LRRN2: variants seen among roughly 807,000 people sequenced by gnomAD.
LRRN2 encodes the protein leucine-rich repeat neuronal protein 2.
In LRRN2, 10 loss-of-function variants were observed where a neutral mutation model predicts 35.7. The observed-to-expected ratio is 0.28, with a 90% CI of 0.17 to 0.47. The LOEUF is 0.47. LRRN2 is among the 20% of genes least tolerant of loss of function. LRRN2 has a pLI of 0.99. For synonymous variants in LRRN2, 391 were observed against 409.6 expected, an observed-to-expected ratio of 0.95 and a Z score of 0.55; for missense variants, 731 against 940.3, an observed-to-expected ratio of 0.78 and a Z score of 2.91.
intron 1 of LRRN2, among the ~76,000 whole-genome samples, chr1:204,674,036 C>G (rs182479570): frequency 4.6e-5 from 7 of 152,122 alleles, no homozygotes; most frequent in Admixed American, 4.6e-4. Flanking sequence ...CGTTTGAATG[C>G]GGCTGTCAGC....
chr1:204,630,754 C>T (rs925931372), intron 1 of LRRN2, among the ~76,000 whole-genome samples: 1 of 152,102 alleles, frequency 6.6e-6, no homozygotes, highest in African/African-American at 2.4e-5. Flanking sequence ...CCTGGGCAGT[C>T]CCTCTGCACT....
intron 1 of LRRN2, among the ~76,000 whole-genome samples, chr1:204,649,135 C>CA (rs1379423956): frequency 6.6e-6 from 1 of 152,250 alleles, no homozygotes; most frequent in African/African-American, 2.4e-5. Context: ...CTAAACTCTT[C>CA]AACCAGTGGC....
intron 1 of LRRN2, among the ~76,000 whole-genome samples, chr1:204,653,268 C>G (rs1668273484): frequency 6.6e-6 from 1 of 152,204 alleles, no homozygotes; most frequent in Admixed American, 6.5e-5. Flanking sequence ...GATTGCTAGT[C>G]CCTCTCAATT....
chr1:204,641,296 TTGTC>T (rs1276510773), intron 1 of LRRN2, among the ~76,000 whole-genome samples: 1 of 152,248 alleles, frequency 6.6e-6, no homozygotes, highest in Non-Finnish European at 1.5e-5. Flanking sequence ...TTAAAAATCT[TTGTC>T]TTCTTTTACC....
chr1:204,656,144 C>T (rs1284454414), intron 1 of LRRN2, among the ~76,000 whole-genome samples: 2 of 151,874 alleles, frequency 1.3e-5, no homozygotes, highest in Non-Finnish European at 2.9e-5. Flanking sequence ...CTCCTGACCT[C>T]ATGATCTGCC....
At chr1:204,652,691 A>C (rs2772245) in intron 1 of LRRN2, among the ~76,000 whole-genome samples, 147,123 of 152,210 alleles carry the variant, frequency 0.97, 71,121 homozygotes, top group East Asian at 1. Flanking sequence ...TTCTCAAACT[A>C]AGAGCGTGCC....
chr1:204,645,369 T>C (rs1668081765), intron 1 of LRRN2, among the ~76,000 whole-genome samples: 2 of 152,200 alleles, frequency 1.3e-5, no homozygotes, highest in South Asian at 4.1e-4. Flanking sequence ...AAAACTTGTG[T>C]GTGTGTTGGC....
intron 1 of LRRN2, among the ~76,000 whole-genome samples, chr1:204,652,920 G>A (rs1668266777): frequency 6.6e-6 from 1 of 152,174 alleles, no homozygotes. Context: ...AGGGAGGTGA[G>A]GTCTTGCCTA....
chr1:204,624,764 C>CG (rs1667207348), intron 1 of LRRN2, among the ~76,000 whole-genome samples: 1 of 141,966 alleles, frequency 7.0e-6, no homozygotes, highest in Admixed American at 6.9e-5. Context: ...CACCCCCCCC[C>CG]CCGGGAGCTG....
At chr1:204,624,693 G>A (rs1667185137) in intron 1 of LRRN2, among the ~76,000 whole-genome samples, 2 of 151,784 alleles carry the variant, frequency 1.3e-5, no homozygotes, top group Non-Finnish European at 2.9e-5. Context: ...GCCTGGTATT[G>A]GTGGATGCAG....
chr1:204,635,907 T>A (rs1160613187), intron 1 of LRRN2, among the ~76,000 whole-genome samples: 4 of 152,224 alleles, frequency 2.6e-5, no homozygotes, highest in African/African-American at 9.6e-5. Context: ...GGAATGAGCA[T>A]CTGTTGGCAC....
In LRRN2 at chr1:204,677,267, G is replaced by T. The variant is rs566837764; in HGVS notation, c.-227+8053C>A. On this transcript the variant is annotated intron_variant, in intron 1 of 1. Coordinates refer to ENST00000367177, the MANE Select transcript of LRRN2 (RefSeq NM_201630.2). ...GGTCAGCCTCTGCGTCTTCCAGGGG[G>T]TTGTGCTGGGGTACAGCGGGTGTGC... 2.6e-5 allele frequency among the ~76,000 whole-genome samples: 4 copies of T among 152,324 alleles called. No homozygotes were observed. The South Asian group carries it at 8.3e-4, about 32-fold the overall frequency.
chr1:204,631,262 ATATATATATATATATATATATAT>A lies in LRRN2; in HGVS notation c.-226-11067_-226-11045del, dbSNP rs1423339583. Among the ~76,000 whole-genome samples the A allele has an allele frequency of 1.4e-3, 53 of 37,926 alleles. 5 individuals carry two copies. The Middle Eastern group carries it at 0.026, about 19-fold the overall frequency. 24.9% of individuals were successfully genotyped at this position (37,926 alleles called of 152,430 possible). A position where few individuals can be genotyped will look rare whatever the true frequency, so the allele number is the denominator to read the frequency against. ...GAGTGATACCTAGAGTGTTCTATAT[ATATATATATATATATATATATAT>A]ATATATATATATATATATGAAGAGC... On this transcript the variant is annotated intron_variant, in intron 1 of 1. Coordinates refer to ENST00000367177, the MANE Select transcript of LRRN2 (RefSeq NM_201630.2).
intron 1 of LRRN2, among the ~76,000 whole-genome samples, chr1:204,633,478 T>C (rs574906683): frequency 1.9e-4 from 29 of 152,306 alleles, no homozygotes; most frequent in African/African-American, 7.0e-4. Context: ...CAGTCTTTAT[T>C]TTTCCAGTGA....
chr1:204,632,795 G>C (rs9726913), intron 1 of LRRN2, among the ~76,000 whole-genome samples: 1 of 151,854 alleles, frequency 6.6e-6, no homozygotes, highest in African/African-American at 2.4e-5. Flanking sequence ...TTAGCCAGGC[G>C]TGGTGGCGGG....
intron 1 of LRRN2, among the ~76,000 whole-genome samples, 188 bp downstream of exon 1, chr1:204,685,132 G>C (rs906771873): frequency 2.7e-4 from 41 of 152,324 alleles, no homozygotes; most frequent in African/African-American, 9.9e-4. Flanking sequence ...GAAGGCAGCG[G>C]CCGGCCCTCC....
At chr1:204,685,174 G>C (rs1003811815) in intron 1 of LRRN2, 146 bp downstream of exon 1, 2 of 152,258 alleles carry the variant, frequency 1.3e-5, no homozygotes, top group Non-Finnish European at 2.9e-5. Flanking sequence ...GCGGAGCTGC[G>C]GTGCCGGGGC....
intron 1 of LRRN2, among the ~76,000 whole-genome samples, chr1:204,653,405 C>T (rs539581089): frequency 1.3e-5 from 2 of 152,302 alleles, no homozygotes; most frequent in African/African-American, 4.8e-5. Context: ...GATTTCTGGG[C>T]CAGGACGGCT....
In LRRN2 at chr1:204,627,851, C is replaced by T. The variant is rs554596955; in HGVS notation, c.-226-7633G>A. ...GCTGTCTCCCCGACCAGACTGTGAG[C>T]TCCTCTGAGGCAGGAACTGTGCTTC... On this transcript the variant is annotated intron_variant, in intron 1 of 1. Transcript: ENST00000367177. 2.0e-5 allele frequency among the ~76,000 whole-genome samples: 3 copies of T among 152,368 alleles called. No homozygotes were observed. In the South Asian group the frequency reaches 6.2e-4, roughly 32 times the overall value.
Sources: gnomAD v4.1 joint callset for allele counts (sites outside exome capture counted in the v4.1 genomes callset) on GRCh38, gnomAD v4.1.1 for gene constraint, MANE v1.5 for transcripts, NCBI Gene and HGNC (gene_info 2026-07-23, HGNC 2026-07-21) for gene names.